Variants in LRFN5 observed in about 807,000 individuals in gnomAD.
LRFN5 encodes leucine-rich repeat and fibronectin type-III domain-containing protein 5.
A neutral mutation model predicts 45.6 loss-of-function variants in LRFN5; 24 were observed. The ratio of observed to expected loss-of-function variants is 0.53; its 90% CI spans 0.38 to 0.74. LRFN5 has a LOEUF of 0.74. Ranked by LOEUF, LRFN5 falls within the 30% of genes least tolerant of loss-of-function variation. The pLI, the probability that LRFN5 is intolerant of heterozygous loss-of-function variation, is 0.00. For synonymous variants in LRFN5, 340 were observed against 313.8 expected (o/e 1.08, Z -0.88); for missense variants, 776 against 861.5 (o/e 0.90, Z 1.24).
rs1236668030 is a variant in LRFN5, at chr14:41,661,152, C to T, written c.-197+52590C>T. Among the ~76,000 whole-genome samples the T allele has an allele frequency of 4.6e-5, 7 of 151,586 alleles. No individual in the cohort carries two copies. In the Admixed American group the frequency reaches 4.6e-4, roughly 10 times the overall value. Reference sequence around the variant, plus strand: ...TTAGAGATTAAAGAGATATTGTAGACAACTTGTTTCTAATCCCTTCTTCCT... The same window carrying T: ...TTAGAGATTAAAGAGATATTGTAGATAACTTGTTTCTAATCCCTTCTTCCT... On this transcript the variant is annotated intron_variant, in intron 1 of 5. Coordinates refer to ENST00000298119, the MANE Select transcript of LRFN5 (RefSeq NM_152447.5).
intron 1 of LRFN5, among the ~76,000 whole-genome samples, chr14:41,749,289 T>C (rs1445183718): frequency 1.3e-5 from 2 of 152,162 alleles, no homozygotes; most frequent in African/African-American, 4.8e-5. Context: ...TAAGACTGAA[T>C]CCATTTATAA....
intron 4 of LRFN5, among the ~76,000 whole-genome samples, chr14:41,896,390 A>C (rs1890940696): frequency 6.6e-6 from 1 of 152,172 alleles, no homozygotes; most frequent in Non-Finnish European, 1.5e-5. Flanking sequence ...CCCTTGTTTC[A>C]AGAACAGTCC....
Position 41,607,268 on chromosome 14 carries a change from A to G in LRFN5, c.-1491A>G, listed in dbSNP as rs1887523685. ...GGAGCTCTGGCTGTGAACACAGCCC[A>G]CCCATATAATCCATTTTGCACGGTC... On this transcript the variant is annotated 5_prime_UTR_variant, in exon 1 of 6. Transcript: ENST00000298119. 6.6e-6 allele frequency among the ~76,000 whole-genome samples: 1 copy of G among 151,796 alleles called. No homozygotes were observed. Among genetic ancestry groups the G allele is most frequent in the Admixed American group, 6.6e-5 (1 of 15,246 alleles).
intron 1 of LRFN5, among the ~76,000 whole-genome samples, chr14:41,681,676 T>A (rs1398478135): frequency 6.6e-6 from 1 of 151,914 alleles, no homozygotes; most frequent in African/African-American, 2.4e-5. Context: ...AGGATGTTAA[T>A]GAGCAATAAG....
At chr14:41,795,952 G>A (rs1365876383) in intron 2 of LRFN5, among the ~76,000 whole-genome samples, 1 of 151,602 alleles carries the variant, frequency 6.6e-6, no homozygotes, top group African/African-American at 2.4e-5. Flanking sequence ...TAAACACTCT[G>A]TCATCGGATT....
chr14:41,726,990 T>A (rs8020195), intron 1 of LRFN5, among the ~76,000 whole-genome samples: 6,820 of 152,284 alleles, frequency 0.045, 339 homozygotes, highest in African/African-American at 0.12. Context: ...ATGAATTTTG[T>A]TGCAAAACGA....
intron 2 of LRFN5, among the ~76,000 whole-genome samples, chr14:41,796,021 A>T (rs146052610): frequency 0.012 from 1,772 of 152,172 alleles, 26 homozygotes; most frequent in African/African-American, 0.041. Context: ...TACAAATAAT[A>T]CATAATTTTA....
intron 2 of LRFN5, among the ~76,000 whole-genome samples, chr14:41,790,753 T>C (rs1019272232): frequency 8.4e-6 from 1 of 119,476 alleles, no homozygotes; most frequent in Non-Finnish European, 1.7e-5. Context: ...ACTTAATTCA[T>C]TTTGGTAGGG....
rs758414364 is a variant in LRFN5 at position 41,898,922 on chromosome 14, T to A, written c.2104T>A (p.Leu702Met). 1.2e-6 allele frequency: 2 copies of A among 1,610,416 alleles called. No homozygotes were observed. Among genetic ancestry groups the A allele is most frequent in the East Asian group, 4.5e-5 (2 of 44,614 alleles). ...SKRAHIKPNA[L>M]LTNVDQIVQE... Reference sequence around the variant, plus strand: ...ACTGAACATTTTATTCCCAGATGCTTTGCTGACTAATGTTGACCAGATTGT... The same window carrying A: ...ACTGAACATTTTATTCCCAGATGCTATGCTGACTAATGTTGACCAGATTGT... Residue 702 changes from leucine (L) to methionine (M), a missense_variant, in exon 5 of 6, where the codon TTG becomes ATG. Physicochemically the swap from Leu to Met is conservative, Grantham distance 15. Around this residue, in one of 2 missense-constraint regions of LRFN5, gnomAD observed 465 missense variants for 456.4 expected, o/e 1.02. Coordinates refer to ENST00000298119, the MANE Select transcript of LRFN5 (RefSeq NM_152447.5).
At chr14:41,643,297 C>T (rs1243671269) in intron 1 of LRFN5, among the ~76,000 whole-genome samples, 5 of 151,922 alleles carry the variant, frequency 3.3e-5, no homozygotes, top group Admixed American at 6.6e-5. Context: ...ATAATATCAG[C>T]AGAAATTAAA....
intron 1 of LRFN5, among the ~76,000 whole-genome samples, chr14:41,670,683 C>T (rs1881166743): frequency 6.6e-6 from 1 of 151,834 alleles, no homozygotes; most frequent in Admixed American, 6.6e-5. Context: ...CGTAATTCCT[C>T]ACTGAAATAG....
At chr14:41,754,971 T>C (rs1341201036) in intron 1 of LRFN5, among the ~76,000 whole-genome samples, 2 of 152,176 alleles carry the variant, frequency 1.3e-5, no homozygotes, top group South Asian at 2.1e-4. Flanking sequence ...TGTGTCTTTG[T>C]TCTCGTTGGT....
At chr14:41,888,898 T>C (rs995280921) in intron 3 of LRFN5, among the ~76,000 whole-genome samples, 1 of 151,884 alleles carries the variant, frequency 6.6e-6, no homozygotes, top group African/African-American at 2.4e-5. Flanking sequence ...AATTTCACTT[T>C]GTGAGAGGCT....
intron 1 of LRFN5, among the ~76,000 whole-genome samples, chr14:41,735,483 G>T (rs1263163261): frequency 1.3e-5 from 2 of 151,976 alleles, no homozygotes; most frequent in South Asian, 4.2e-4. Context: ...TGTTGCTCAG[G>T]CTGGTCATAA....
chr14:41,628,210 A>G (rs374346945), intron 1 of LRFN5, among the ~76,000 whole-genome samples: 1 of 152,156 alleles, frequency 6.6e-6, no homozygotes, highest in African/African-American at 2.4e-5. Flanking sequence ...ATTTATTCTT[A>G]ACAATATCTT....
At chr14:41,704,189 A>G (rs1007061304) in intron 1 of LRFN5, among the ~76,000 whole-genome samples, 1 of 152,116 alleles carries the variant, frequency 6.6e-6, no homozygotes, top group African/African-American at 2.4e-5. Context: ...TGCTTTTCCA[A>G]ATATATTTCT....
At chr14:41,721,210 T>G (rs1443311467) in intron 1 of LRFN5, among the ~76,000 whole-genome samples, 2 of 152,156 alleles carry the variant, frequency 1.3e-5, no homozygotes, top group African/African-American at 4.8e-5. Context: ...TCCTTTTTTT[T>G]CCATTTGAGT....
chr14:41,768,507 T>G (rs1474945558), intron 2 of LRFN5, among the ~76,000 whole-genome samples: 1 of 152,124 alleles, frequency 6.6e-6, no homozygotes, highest in East Asian at 1.9e-4. Context: ...AGGAATTGCT[T>G]TTGTTGCTTT....
chr14:41,617,931 A>C (rs1224196174), intron 1 of LRFN5, among the ~76,000 whole-genome samples: 1 of 152,134 alleles, frequency 6.6e-6, no homozygotes, highest in African/African-American at 2.4e-5. Flanking sequence ...CATTTGTCTC[A>C]TCATGTTCTA....
Sources: allele counts gnomAD v4.1 joint callset (sites outside exome capture counted in the v4.1 genomes callset), GRCh38; gene constraint gnomAD v4.1.1; regional missense constraint gnomAD v4.1.1; transcripts MANE v1.5; gene names NCBI Gene and HGNC (gene_info 2026-07-23, HGNC 2026-07-21).